The following PRDM10 variants were observed in gnomAD, a reference collection of about 807,000 sequenced individuals.
The protein encoded by PRDM10 is PR/SET domain 10, also known as PR domain zinc finger protein 10.
Under a neutral mutation model 133.1 loss-of-function variants are expected in PRDM10, and 65 were observed. The observed-to-expected ratio is 0.49, with a 90% CI of 0.40 to 0.60. The LOEUF (loss-of-function observed/expected upper bound fraction) is 0.60. Among genes scored for constraint, PRDM10 ranks in the 20% least tolerant of loss-of-function variants. The pLI, the probability that PRDM10 is intolerant of heterozygous loss-of-function variation, is 0.00. For synonymous variants in PRDM10, 582 were observed against 580.4 expected (o/e 1.00, Z -0.04); for missense variants, 1,137 against 1,507.1 (o/e 0.75, Z 4.07).
intron 1 of PRDM10, among the ~76,000 whole-genome samples, chr11:129,968,140 G>T (rs1951943817): frequency 6.6e-6 from 1 of 152,228 alleles, no homozygotes; most frequent in South Asian, 2.1e-4. Context: ...GTGACACACA[G>T]TGGTTAAGTT....
At chr11:130,002,047 CAA>C (rs1395013024) in intron 1 of PRDM10, among the ~76,000 whole-genome samples, 2 of 151,642 alleles carry the variant, frequency 1.3e-5, no homozygotes, top group African/African-American at 4.8e-5. Context: ...CCTCCGCAGA[CAA>C]AGCTGGGCGC....
At chr11:129,925,592 T>C (rs1950652806) in intron 11 of PRDM10, among the ~76,000 whole-genome samples, 1 of 152,138 alleles carries the variant, frequency 6.6e-6, no homozygotes, top group African/African-American at 2.4e-5. Context: ...GGAAAAGACT[T>C]AGGTTAAGTC....
intron 3 of PRDM10, among the ~76,000 whole-genome samples, chr11:129,957,069 G>C (rs949957905): frequency 6.6e-6 from 1 of 152,196 alleles, no homozygotes; most frequent in African/African-American, 2.4e-5. Context: ...TTGCAAATCA[G>C]TAAGTTATTA....
chr11:129,933,753 A>C (rs1196900539), intron 9 of PRDM10, among the ~76,000 whole-genome samples: 1 of 152,204 alleles, frequency 6.6e-6, no homozygotes, highest in Non-Finnish European at 1.5e-5. Context: ...TAGAGCCATG[A>C]ACAGAGTTTT....
chr11:129,902,386 TG>T lies in PRDM10; in HGVS notation c.3397del (p.Gln1133ArgfsTer31). Reference protein sequence around the residue: ...SLDPQTNSQQQTTQYIITTTT... With the variant: ...SLDPQTNSQQXTTQYIITTTT... ...GGTGGTGATGATGTACTGTGTGGTC[TG>T]CTGTTGGCTGTTGGTCTGGGGGTCC... On this transcript the variant is annotated frameshift_variant, in exon 21 of 21. Transcript: ENST00000360871. LOFTEE classifies it high-confidence loss of function. The T allele has an allele frequency of 6.2e-7, 1 of 1,614,180 alleles. No homozygotes were observed. The highest frequency in any genetic ancestry group is 8.5e-7 in the Non-Finnish European group (1 of 1,179,992).
At chr11:129,951,434 C>G (rs1025138652) in intron 4 of PRDM10, among the ~76,000 whole-genome samples, 1 of 152,102 alleles carries the variant, frequency 6.6e-6, no homozygotes, top group Non-Finnish European at 1.5e-5. Context: ...CATAGCCAGG[C>G]GGTAGGTTGG....
At chr11:129,949,418 T>C (rs1043217999) in intron 4 of PRDM10, among the ~76,000 whole-genome samples, 3 of 152,230 alleles carry the variant, frequency 2.0e-5, no homozygotes, top group African/African-American at 7.2e-5. Context: ...CCTAAGTTCT[T>C]TAAGGACCAT....
chr11:129,969,684 G>C (rs2135943004), intron 1 of PRDM10, among the ~76,000 whole-genome samples: 1 of 151,540 alleles, frequency 6.6e-6, no homozygotes, highest in Non-Finnish European at 1.5e-5. Flanking sequence ...GTGCGTGCCT[G>C]TAATCCCAGC....
At chr11:129,985,808 A>T (rs1240186964) in intron 1 of PRDM10, among the ~76,000 whole-genome samples, 1 of 108,760 alleles carries the variant, frequency 9.2e-6, no homozygotes, top group African/African-American at 5.1e-5. Flanking sequence ...AAAAAAAAAA[A>T]AATATATATA....
chr11:129,942,296 GA>G (rs1951234496), intron 7 of PRDM10, 129 bp downstream of exon 7: 1 of 799,680 alleles, frequency 1.3e-6, no homozygotes, highest in East Asian at 2.6e-5. Context: ...ATAAGTATGT[GA>G]ATAACCAGAA....
chr11:129,902,562 G>A, intron 20 of PRDM10, 46 bp from the exon 21 acceptor site: 1 of 1,583,358 alleles, frequency 6.3e-7, no homozygotes, highest in African/African-American at 1.3e-5. Flanking sequence ...GGCCTTAAAG[G>A]GAGGGTGAAG....
chr11:129,985,552 G>T (rs920897871), intron 1 of PRDM10, among the ~76,000 whole-genome samples: 17 of 151,838 alleles, frequency 1.1e-4, no homozygotes, highest in Middle Eastern at 3.2e-3. Context: ...AGCACTTTGG[G>T]AGGCCGAAGT....
intron 8 of PRDM10, among the ~76,000 whole-genome samples, chr11:129,936,280 A>G (rs1951026220): frequency 6.6e-6 from 1 of 151,940 alleles, no homozygotes; most frequent in African/African-American, 2.4e-5. Flanking sequence ...TAAAAATCAT[A>G]CATTTTTATA....
At position 129,957,024 on chromosome 11, in the gene PRDM10, T is replaced by C. The variant is rs78152054; in HGVS notation, c.234+722A>G. On this transcript the variant is annotated intron_variant, in intron 3 of 20. Coordinates refer to ENST00000360871, the MANE Select transcript of PRDM10 (RefSeq NM_199437.2). Reference sequence around the variant, plus strand: ...ATAAAAGCAGCTATAATTGTACGCCTTTTGGCAGTAAACATCTTTGCTTCT... The same window carrying C: ...ATAAAAGCAGCTATAATTGTACGCCCTTTGGCAGTAAACATCTTTGCTTCT... 6.3e-3 allele frequency among the ~76,000 whole-genome samples: 956 copies of C among 152,368 alleles called. 11 individuals are homozygous for C. The highest frequency in any genetic ancestry group is 0.022 in the African/African-American group (917 of 41,590).
chr11:129,997,081 A>G (rs1939103284), intron 1 of PRDM10, among the ~76,000 whole-genome samples: 1 of 152,238 alleles, frequency 6.6e-6, no homozygotes, highest in African/African-American at 2.4e-5. Context: ...AAGGAAAGGC[A>G]TCAATAAAGG....
At chr11:129,961,227 T>C in intron 1 of PRDM10, 145 bp from the exon 2 acceptor site, 1 of 496,336 alleles carries the variant, frequency 2.0e-6, no homozygotes, top group Admixed American at 3.6e-5. Flanking sequence ...AGACATTATT[T>C]GTAATAATAG....
intron 1 of PRDM10, among the ~76,000 whole-genome samples, chr11:129,964,683 C>A (rs1005522565): frequency 2.0e-5 from 3 of 152,090 alleles, no homozygotes; most frequent in African/African-American, 7.2e-5. Flanking sequence ...CATTCATAAA[C>A]GCTTAGGTTA....
At chr11:129,935,526 C>T (rs1951002387) in intron 8 of PRDM10, among the ~76,000 whole-genome samples, 1 of 152,146 alleles carries the variant, frequency 6.6e-6, no homozygotes, top group Admixed American at 6.5e-5. Context: ...TAAGATGTTA[C>T]AAAGATCTGT....
chr11:129,969,758 G>T (rs1220409815), intron 1 of PRDM10, among the ~76,000 whole-genome samples: 1 of 152,162 alleles, frequency 6.6e-6, no homozygotes, highest in Non-Finnish European at 1.5e-5. Flanking sequence ...AGTGAGCTGA[G>T]ATTGTGCCAC....
Sources: gnomAD v4.1 joint callset for allele counts (sites outside exome capture counted in the v4.1 genomes callset) on GRCh38, gnomAD v4.1.1 for gene constraint, MANE v1.5 for transcripts, NCBI Gene and HGNC (gene_info 2026-07-23, HGNC 2026-07-21) for gene names.